RALYL: variants seen among roughly 807,000 people sequenced by gnomAD.
RALYL encodes the protein RNA-binding Raly-like protein.
RALYL carries 29 observed loss-of-function variants against 35.1 expected under a neutral mutation model. That is an observed-to-expected ratio of 0.83 (90% CI 0.61 to 1.13). RALYL has a LOEUF of 1.13. RALYL is among the 50% of genes most tolerant of loss of function. The pLI, the probability that RALYL is intolerant of heterozygous loss-of-function variation, is 0.00. For missense variants in RALYL, 359 were observed against 360.4 expected (o/e 1.00, Z 0.03); for synonymous variants, 120 against 127.6 (o/e 0.94, Z 0.40).
intron 1 of RALYL, among the ~76,000 whole-genome samples, chr8:84,480,212 C>G (rs1437666745): frequency 1.3e-5 from 2 of 151,924 alleles, no homozygotes; most frequent in African/African-American, 4.8e-5. Context: ...TCTAATGTAT[C>G]TGCTAAATTT....
intron 1 of RALYL, among the ~76,000 whole-genome samples, chr8:84,239,059 T>C (rs1488751084): frequency 4.6e-5 from 7 of 152,210 alleles, no homozygotes; most frequent in Admixed American, 3.9e-4. Context: ...AGCAGCTTTC[T>C]GTTATAGGTG....
At chr8:84,452,184 A>C (rs1393199277) in intron 1 of RALYL, among the ~76,000 whole-genome samples, 1 of 150,554 alleles carries the variant, frequency 6.6e-6, no homozygotes, top group African/African-American at 2.4e-5. Flanking sequence ...CATCATATTG[A>C]CCTTTCCAAC....
chr8:84,885,372 T>C (rs1842787241), intron 7 of RALYL, among the ~76,000 whole-genome samples: 1 of 152,132 alleles, frequency 6.6e-6, no homozygotes, highest in Non-Finnish European at 1.5e-5. Flanking sequence ...TTAGAAAAAA[T>C]CTTGGTTACA....
At chr8:84,669,400 A>G (rs1832742182) in intron 2 of RALYL, among the ~76,000 whole-genome samples, 1 of 150,358 alleles carries the variant, frequency 6.7e-6, no homozygotes, top group Non-Finnish European at 1.5e-5. Flanking sequence ...GTACCCGTGC[A>G]GGTTTGTTAC....
At chr8:84,708,632 C>T (rs1475372286) in intron 2 of RALYL, among the ~76,000 whole-genome samples, 1 of 151,924 alleles carries the variant, frequency 6.6e-6, no homozygotes, top group Non-Finnish European at 1.5e-5. Flanking sequence ...TAATGTTTAA[C>T]TTTTGAGTCC....
chr8:84,419,670 A>G lies in RALYL; in HGVS notation c.-23-109629A>G, dbSNP rs566052939. On this transcript the variant is annotated intron_variant, in intron 1 of 8. Transcript: ENST00000521268. ...ACTAACTCGTCATCTAGCATTAGGT[A>G]TATCTCCCAATGCTGTCCCTCCCCC... is the stretch of plus-strand genomic sequence containing the variant. 1.4e-4 allele frequency among the ~76,000 whole-genome samples: 21 copies of G among 147,166 alleles called. No homozygotes were observed. In the East Asian group the frequency reaches 3.8e-3, roughly 27 times the overall value.
At chr8:84,234,743 A>C (rs1826096235) in intron 1 of RALYL, among the ~76,000 whole-genome samples, 1 of 151,378 alleles carries the variant, frequency 6.6e-6, no homozygotes, top group African/African-American at 2.4e-5. Flanking sequence ...GTATTTACTA[A>C]ATTGCAAAAT....
At chr8:84,423,074 G>T (rs2045872114) in intron 1 of RALYL, among the ~76,000 whole-genome samples, 1 of 150,170 alleles carries the variant, frequency 6.7e-6, no homozygotes, top group Non-Finnish European at 1.5e-5. Context: ...TCTGCTTGGT[G>T]CAGAGCTGAG....
chr8:84,325,765 GC>G (rs1383030760), intron 1 of RALYL, among the ~76,000 whole-genome samples: 2 of 152,196 alleles, frequency 1.3e-5, no homozygotes, highest in African/African-American at 4.8e-5. Context: ...ATTCTACGTG[GC>G]TAGCAGATAA....
intron 1 of RALYL, among the ~76,000 whole-genome samples, chr8:84,298,690 A>G (rs970198026): frequency 4.6e-5 from 7 of 152,156 alleles, no homozygotes; most frequent in African/African-American, 1.7e-4. Flanking sequence ...GTTCATAAGC[A>G]TGAAATATTT....
chr8:84,562,242 G>A (rs761931383), intron 2 of RALYL, among the ~76,000 whole-genome samples: 1 of 151,854 alleles, frequency 6.6e-6, no homozygotes, highest in Non-Finnish European at 1.5e-5. Context: ...TTAATTGCAT[G>A]TGATCTTACT....
chr8:84,186,568 G>A (rs892598188), intron 1 of RALYL, among the ~76,000 whole-genome samples: 9 of 152,252 alleles, frequency 5.9e-5, no homozygotes, highest in African/African-American at 1.9e-4. Flanking sequence ...CTGCCCTAAG[G>A]TTGAGGTAGT....
intron 2 of RALYL, among the ~76,000 whole-genome samples, chr8:84,608,500 C>A (rs569412369): frequency 4.3e-4 from 66 of 152,122 alleles, no homozygotes; most frequent in Non-Finnish European, 8.2e-4. Context: ...TGAGCCTGGA[C>A]TCCCTGGATC....
At chr8:84,731,991 G>A (rs1267012714) in intron 2 of RALYL, among the ~76,000 whole-genome samples, 2 of 151,988 alleles carry the variant, frequency 1.3e-5, no homozygotes, top group African/African-American at 4.8e-5. Flanking sequence ...CCCTTTATTT[G>A]TTTAATAAAC....
chr8:84,847,653 A>G (rs1834945974), intron 4 of RALYL, among the ~76,000 whole-genome samples: 1 of 152,124 alleles, frequency 6.6e-6, no homozygotes, highest in Non-Finnish European at 1.5e-5. Flanking sequence ...ACTAAAGCAA[A>G]AACCATTATT....
At chr8:84,586,394 G>A (rs1812018098) in intron 2 of RALYL, among the ~76,000 whole-genome samples, 1 of 152,124 alleles carries the variant, frequency 6.6e-6, no homozygotes, top group Non-Finnish European at 1.5e-5. Context: ...CAAAGACATA[G>A]AGCAGAAATT....
chr8:84,774,731 A>G, intron 3 of RALYL, 77 bp downstream of exon 3: 1 of 868,448 alleles, frequency 1.2e-6, no homozygotes, highest in Non-Finnish European at 1.8e-6. Flanking sequence ...ATAACTTGTA[A>G]GGCATCCACT....
At chr8:84,517,907 A>G (rs1225912310) in intron 1 of RALYL, among the ~76,000 whole-genome samples, 2 of 152,204 alleles carry the variant, frequency 1.3e-5, no homozygotes, top group African/African-American at 2.4e-5. Flanking sequence ...TAAAATAAAG[A>G]TGGGAATCTC....
At chr8:84,744,190 CAGAACAGGAAG>C (rs1808068360) in intron 2 of RALYL, among the ~76,000 whole-genome samples, 1 of 151,966 alleles carries the variant, frequency 6.6e-6, no homozygotes, top group Non-Finnish European at 1.5e-5. Context: ...GGAATGGAAT[CAGAACAGGAAG>C]CAAACATTTG....
Sources: allele counts gnomAD v4.1 joint callset (sites outside exome capture counted in the v4.1 genomes callset), GRCh38; gene constraint gnomAD v4.1.1; transcripts MANE v1.5; gene names NCBI Gene and HGNC (gene_info 2026-07-23, HGNC 2026-07-21).